Variants in ATP12A observed in about 807,000 individuals in gnomAD.
The protein encoded by ATP12A is potassium-transporting ATPase alpha chain 2.
Under a neutral mutation model 111.2 loss-of-function variants are expected in ATP12A, and 81 were observed. That is an observed-to-expected ratio of 0.73 (90% confidence interval 0.61 to 0.88). The LOEUF (loss-of-function observed/expected upper bound fraction) is 0.88, where lower values mean the gene tolerates loss of function less well. Among genes scored for constraint, ATP12A ranks in the 40% least tolerant of loss-of-function variants. The pLI is 0.00. For synonymous variants in ATP12A, 498 were observed against 499.8 expected (o/e 1.00, Z 0.05); for missense variants, 1,196 against 1,313.1 (o/e 0.91, Z 1.38).
At chr13:24,682,959 C>CTTTTTTTTTTTTTTTT (rs34361489) in intron 2 of ATP12A, among the ~76,000 whole-genome samples, 1 of 139,040 alleles carries the variant, frequency 7.2e-6, no homozygotes, top group Non-Finnish European at 1.6e-5. Flanking sequence ...TAAAACTAGC[C>CTTTTTTTTTTTTTTTT]TTTTTTTTTT....
At chr13:24,684,656 A>C (rs1202432891) in intron 2 of ATP12A, among the ~76,000 whole-genome samples, 1 of 152,248 alleles carries the variant, frequency 6.6e-6, no homozygotes, top group East Asian at 1.9e-4. Context: ...GGTGGAGCCC[A>C]CAACAAAGAA....
At chr13:24,694,346 T>A in intron 10 of ATP12A, 98 bp from the exon 11 acceptor site, 1 of 1,440,104 alleles carries the variant, frequency 6.9e-7, no homozygotes, top group Admixed American at 2.1e-5. Flanking sequence ...TCCAGCTAGG[T>A]GGTAATGGGA....
chr13:24,692,053 CT>C (rs1351121241), intron 8 of ATP12A, among the ~76,000 whole-genome samples: 1 of 152,188 alleles, frequency 6.6e-6, no homozygotes, highest in Non-Finnish European at 1.5e-5. Flanking sequence ...TGGGACAACT[CT>C]TTGGCATGCA....
At chr13:24,696,784 G>C (rs952086911) in intron 11 of ATP12A, among the ~76,000 whole-genome samples, 11 of 150,666 alleles carry the variant, frequency 7.3e-5, no homozygotes, top group Non-Finnish European at 1.6e-4. Context: ...CTGCTGAAGA[G>C]GTCGGAGGTG....
chr13:24,681,594 C>T lies in ATP12A; in HGVS notation c.42C>T (p.Ser14=). Residue 14 remains serine (S), a synonymous_variant, in exon 2 of 23, where the codon AGC becomes AGT. Transcript: ENST00000381946. The stretch of plus-strand genomic sequence containing the variant: ...CAGAAATTTACTCCGTGGAGCTCAG[C>T]GGAACTAAGGACATCGTGAAAACAG... The part of the protein sequence containing the change: ...KTPEIYSVEL[S]GTKDIVKTDK... 6.2e-7 allele frequency: 1 copy of T among 1,614,010 alleles called. No individual in the cohort carries two copies. The highest frequency in any genetic ancestry group is 8.5e-7 in the Non-Finnish European group (1 of 1,180,008).
rs2137711825 is a variant in ATP12A, at chr13:24,700,863, G to A, written c.1822G>A (p.Asp608Asn). Reference protein sequence around the residue: ...LCFVGLLSMIDPPRSTVPDAV... With the variant: ...LCFVGLLSMINPPRSTVPDAV... ...TTTTGTGGGACTCTTGTCAATGATC[G>A]ATCCCCCTCGGTCCACCGTGCCAGA... Residue 608 changes from aspartate (D) to asparagine (N), a missense_variant, in exon 13 of 23, where the codon GAT (aspartate) becomes AAT (asparagine). Around this residue, in one of 3 missense-constraint regions of ATP12A, gnomAD observed 1,126 missense variants for 1,228.5 expected, o/e 0.92. Transcript: ENST00000381946. 8 of 1,614,104 alleles carry A rather than the reference G, an allele frequency of 5.0e-6. 1 individual carries two copies. The African/African-American group carries it at 5.3e-5, about 11-fold the overall frequency.
Position 24,707,163 on chromosome 13 carries a change from C to A in ATP12A, c.2310C>A (p.Phe770Leu). The change falls in exon 16 of 23, where the codon TTC becomes TTA. Residue 770 changes from phenylalanine to leucine, a missense_variant. By Grantham distance (22) the Phe-to-Leu change is conservative (BLOSUM62 0). Coordinates refer to ENST00000381946, the MANE Select transcript of ATP12A (RefSeq NM_001676.7). ...ACATGGTCTTGCTGGACGACAACTT[C>A]GCATCCATCGTCACAGGGGTGGAGG... Reference protein sequence around the residue: ...AADMVLLDDNFASIVTGVEEG... With the variant: ...AADMVLLDDNLASIVTGVEEG... 6.2e-7 allele frequency: 1 copy of A among 1,613,984 alleles called. No individual in the cohort carries two copies. The highest frequency in any genetic ancestry group is 1.1e-5 in the South Asian group (1 of 91,036).
At position 24,698,868 on chromosome 13, in the gene ATP12A, G is replaced by A; in HGVS notation, c.1705+18G>A. The A allele has an allele frequency of 6.2e-7, 1 of 1,611,360 alleles. No individual in the cohort carries two copies. ...TGTGCTGGGTGAGTGCGGCGGCAGG[G>A]CCCTGCCCATCACCTGGTGGGCACA... On this transcript the variant is annotated intron_variant, in intron 12 of 22. Transcript: ENST00000381946.
intron 11 of ATP12A, among the ~76,000 whole-genome samples, chr13:24,696,482 G>A (rs1875159316): frequency 1.4e-5 from 1 of 71,722 alleles, no homozygotes; most frequent in Non-Finnish European, 2.9e-5. Context: ...CGAGGCGGGT[G>A]GATCATGAGG....
At chr13:24,702,827 A>G (rs866353068) in intron 14 of ATP12A, among the ~76,000 whole-genome samples, 85 of 152,224 alleles carry the variant, frequency 5.6e-4, no homozygotes, top group African/African-American at 1.9e-3. Flanking sequence ...TGAGGGAGCC[A>G]CACAAGGCTA....
intron 14 of ATP12A, chr13:24,703,801 G>A (rs1024621290): frequency 6.6e-6 from 1 of 152,188 alleles, no homozygotes; most frequent in African/African-American, 2.4e-5. Flanking sequence ...AAGTAGCTGG[G>A]ACTACAGGCT....
In ATP12A at chr13:24,710,843, C is replaced by T; in HGVS notation, c.2949C>T (p.Ile983=). The change falls in exon 21 of 23, where the codon ATC becomes ATT. Residue 983 remains isoleucine (I), a synonymous_variant. Coordinates refer to ENST00000381946, the MANE Select transcript of ATP12A (RefSeq NM_001676.7). ...CCTCACAGATCATCATTGGTCTGATCCTCTCCTATGGCCTCGGAAGTGTCA... is the reference window on the plus strand; with the variant it reads ...CCTCACAGATCATCATTGGTCTGATTCTCTCCTATGGCCTCGGAAGTGTCA... ...GITSQIIIGL[I]LSYGLGSVTA... The T allele has an allele frequency of 8.7e-6, 14 of 1,614,196 alleles. No individual in the cohort carries two copies. The highest frequency in any genetic ancestry group is 1.2e-5 in the Non-Finnish European group (14 of 1,180,042).
At chr13:24,710,974 C>T (rs1875943252) in intron 21 of ATP12A, 81 bp downstream of exon 21, 1 of 1,273,008 alleles carries the variant, frequency 7.9e-7, no homozygotes, top group Non-Finnish European at 1.1e-6. Context: ...CTGAGGATTC[C>T]CAGGGTTCTT....
Position 24,680,587 on chromosome 13 carries a change from G to A in ATP12A, c.-157G>A. The A allele has an allele frequency of 2.6e-6, 2 of 765,098 alleles. No individual in the cohort carries two copies. Among genetic ancestry groups the A allele is most frequent in the Non-Finnish European group, 3.9e-6 (2 of 514,448 alleles). The allele number at this position is 765,098 out of a possible 1,614,324, so 47.4% of individuals were successfully genotyped here. The stretch of plus-strand genomic sequence containing the variant: ...GCAGCGGCTGGCGATCGGCCGCGGA[G>A]GTGCGTGCAGGGCCCGCGCCGCCGC... On this transcript the variant is annotated 5_prime_UTR_variant, in exon 1 of 23. Coordinates refer to ENST00000381946, the MANE Select transcript of ATP12A (RefSeq NM_001676.7).
chr13:24,706,006 C>T (rs995930600), intron 14 of ATP12A, among the ~76,000 whole-genome samples: 1 of 152,188 alleles, frequency 6.6e-6, no homozygotes, highest in African/African-American at 2.4e-5. Context: ...CCTTTTACTT[C>T]TGAAGTAAAG....
At position 24,710,912 on chromosome 13, in the gene ATP12A, G is replaced by T; in HGVS notation, c.2999+19G>T. The T allele has an allele frequency of 6.2e-7, 1 of 1,602,936 alleles. No individual in the cohort carries two copies. The highest frequency in any genetic ancestry group is 1.1e-5 in the South Asian group (1 of 90,832). On this transcript the variant is annotated intron_variant, in intron 21 of 22. Transcript: ENST00000381946. ...TGCTTAGGTGAGTTCACCCTCAACAGCATGGAGGAAAGAGCCAGCCTCTGC... is the reference window on the plus strand; with the variant it reads ...TGCTTAGGTGAGTTCACCCTCAACATCATGGAGGAAAGAGCCAGCCTCTGC...
chr13:24,709,374 T>C lies in ATP12A; in HGVS notation c.2504T>C (p.Ile835Thr). The part of the protein sequence containing the change: ...IDLGTDIIPS[I>T]ALAYEKAESD... ...CCTCTTCCCCTCTAGATCCCCTCCA[T>C]TGCCTTGGCGTACGAGAAAGCTGAA... is the stretch of plus-strand genomic sequence containing the variant. The change falls in exon 18 of 23, where the codon ATT becomes ACT. Residue 835 changes from isoleucine to threonine, a missense_variant. This residue lies in a region of ATP12A where 1,126 missense variants were observed against 1,228.5 expected (regional missense o/e 0.92). Coordinates refer to ENST00000381946, the MANE Select transcript of ATP12A (RefSeq NM_001676.7). 2 of 1,500,792 alleles carry C rather than the reference T, an allele frequency of 1.3e-6. No homozygotes were observed. Among genetic ancestry groups the C allele is most frequent in the Non-Finnish European group, 9.0e-7 (1 of 1,108,646 alleles). 93.0% of individuals were successfully genotyped at this position (1,500,792 alleles called of 1,614,324 possible).
chr13:24,690,267 G>T, intron 5 of ATP12A, 71 bp from the exon 6 acceptor site: 2 of 1,584,472 alleles, frequency 1.3e-6, no homozygotes, highest in Non-Finnish European at 1.7e-6. Flanking sequence ...GGGGTTCGGT[G>T]CGGCACAGAC....
At chr13:24,693,953 GTGCTTTTATAGTCACTTA>G (rs1472275968) in intron 10 of ATP12A, among the ~76,000 whole-genome samples, 2 of 152,072 alleles carry the variant, frequency 1.3e-5, no homozygotes, top group African/African-American at 4.8e-5. Flanking sequence ...TCCCTTAATG[GTGCTTTTATAGTCACTTA>G]ACTTTGCTCA....
Sources: allele counts gnomAD v4.1 joint callset (sites outside exome capture counted in the v4.1 genomes callset), GRCh38; gene constraint gnomAD v4.1.1; regional missense constraint gnomAD v4.1.1; transcripts MANE v1.5; gene names NCBI Gene and HGNC (gene_info 2026-07-23, HGNC 2026-07-21).